Variants in MAPK4 observed in about 807,000 individuals in gnomAD.
The protein encoded by MAPK4 is mitogen-activated protein kinase 4, also known as Erk3-related.
MAPK4 carries 22 observed loss-of-function variants against 47.7 expected under a neutral mutation model. The ratio of observed to expected loss-of-function variants is 0.46; its 90% CI spans 0.33 to 0.66. The LOEUF is 0.66. Ranked by LOEUF, MAPK4 falls within the 30% of genes least tolerant of loss-of-function variation. MAPK4 has a pLI of 0.02. For missense variants in MAPK4, 736 were observed against 831.7 expected (o/e 0.88, Z 1.42); for synonymous variants, 390 against 365.7 (o/e 1.07, Z -0.76).
At chr18:50,722,889 AC>A (rs1433035371) in intron 4 of MAPK4, among the ~76,000 whole-genome samples, 1 of 151,928 alleles carries the variant, frequency 6.6e-6, no homozygotes, top group African/African-American at 2.4e-5. Context: ...CCCTTCCAGA[AC>A]CCCTGGGGCT....
At chr18:50,636,023 C>A (rs533767109) in intron 1 of MAPK4, among the ~76,000 whole-genome samples, 3 of 152,336 alleles carry the variant, frequency 2.0e-5, no homozygotes, top group South Asian at 4.1e-4. Context: ...TGCACTCCAG[C>A]CTCTCTTGCA....
At chr18:50,716,772 T>C (rs551004112) in intron 3 of MAPK4, among the ~76,000 whole-genome samples, 69 of 152,070 alleles carry the variant, frequency 4.5e-4, no homozygotes, top group African/African-American at 1.5e-3. Flanking sequence ...GTGAGTGCTC[T>C]CCCCACCTCC....
At chr18:50,563,761 A>C (rs1039647933) in intron 1 of MAPK4, among the ~76,000 whole-genome samples, 1 of 152,116 alleles carries the variant, frequency 6.6e-6, no homozygotes, top group Non-Finnish European at 1.5e-5. Flanking sequence ...TCCTGGCCTC[A>C]TCAGGGCCTG....
At chr18:50,624,668 A>T (rs778101011) in intron 1 of MAPK4, among the ~76,000 whole-genome samples, 2 of 152,212 alleles carry the variant, frequency 1.3e-5, no homozygotes, top group Non-Finnish European at 2.9e-5. Context: ...TTATATGATG[A>T]ATTTACAATT....
intron 1 of MAPK4, among the ~76,000 whole-genome samples, chr18:50,592,394 C>T (rs1393746348): frequency 1.3e-5 from 2 of 152,150 alleles, no homozygotes; most frequent in Non-Finnish European, 2.9e-5. Flanking sequence ...AAAATACTCA[C>T]TTTCTCTCTG....
chr18:50,589,085 A>C (rs4939989), intron 1 of MAPK4, among the ~76,000 whole-genome samples: 30,553 of 152,154 alleles, frequency 0.2, 3,153 homozygotes, highest in East Asian at 0.36. Flanking sequence ...AGCAAGTTCA[A>C]TCCAAGGTGA....
chr18:50,653,495 T>C (rs1462881994), intron 1 of MAPK4, among the ~76,000 whole-genome samples: 1 of 152,174 alleles, frequency 6.6e-6, no homozygotes, highest in African/African-American at 2.4e-5. Context: ...TCAAGGATGC[T>C]CAAGAGTGCT....
chr18:50,660,522 G>A (rs564528166), intron 1 of MAPK4, among the ~76,000 whole-genome samples: 141 of 152,300 alleles, frequency 9.3e-4, no homozygotes, highest in Middle Eastern at 3.4e-3. Context: ...TTTGTGCCCT[G>A]TAAGCTACTT....
intron 1 of MAPK4, among the ~76,000 whole-genome samples, chr18:50,592,971 T>G (rs1247509512): frequency 6.6e-6 from 1 of 152,224 alleles, no homozygotes; most frequent in Non-Finnish European, 1.5e-5. Flanking sequence ...GGCACTGGTG[T>G]GAGTCCTTTA....
chr18:50,688,834 A>G (rs1909034707), intron 2 of MAPK4, among the ~76,000 whole-genome samples: 1 of 151,576 alleles, frequency 6.6e-6, no homozygotes, highest in Non-Finnish European at 1.5e-5. Flanking sequence ...GATCACCACT[A>G]AAGAACTTAC....
intron 3 of MAPK4, among the ~76,000 whole-genome samples, chr18:50,720,114 C>A (rs772270554): frequency 1.3e-5 from 2 of 152,188 alleles, no homozygotes; most frequent in Admixed American, 6.5e-5. Flanking sequence ...ATGCTTCACA[C>A]CTTCTCCCAT....
intron 1 of MAPK4, among the ~76,000 whole-genome samples, chr18:50,617,826 A>G (rs1318333955): frequency 6.6e-6 from 1 of 152,190 alleles, no homozygotes; most frequent in African/African-American, 2.4e-5. Flanking sequence ...TATCTCTGTG[A>G]CTGTTCTTGC....
intron 1 of MAPK4, among the ~76,000 whole-genome samples, chr18:50,564,702 T>C (rs911766892): frequency 4.6e-5 from 7 of 152,250 alleles, no homozygotes; most frequent in Admixed American, 4.6e-4. Context: ...TAAGTTCATC[T>C]TTTGAAGCAT....
At chr18:50,587,065 C>G (rs1436170292) in intron 1 of MAPK4, among the ~76,000 whole-genome samples, 2 of 152,102 alleles carry the variant, frequency 1.3e-5, no homozygotes, top group Non-Finnish European at 2.9e-5. Flanking sequence ...TTGATTACTA[C>G]AAGAAGTCTG....
chr18:50,641,877 G>A (rs554731293), intron 1 of MAPK4, among the ~76,000 whole-genome samples: 2 of 152,274 alleles, frequency 1.3e-5, no homozygotes, highest in African/African-American at 4.8e-5. Flanking sequence ...TATCTTGTAA[G>A]TGTTCAATAA....
chr18:50,585,303 A>G (rs1200150302), intron 1 of MAPK4, among the ~76,000 whole-genome samples: 1 of 152,148 alleles, frequency 6.6e-6, no homozygotes, highest in South Asian at 2.1e-4. Flanking sequence ...CATTTCTATG[A>G]TCTTTGATAT....
chr18:50,716,305 G>A (rs936734554), intron 3 of MAPK4, among the ~76,000 whole-genome samples: 3 of 151,972 alleles, frequency 2.0e-5, no homozygotes, highest in Admixed American at 6.5e-5. Flanking sequence ...AGTCAGCGAC[G>A]ACTGTCACCT....
At chr18:50,569,638 C>G (rs2042232822) in intron 1 of MAPK4, among the ~76,000 whole-genome samples, 1 of 152,170 alleles carries the variant, frequency 6.6e-6, no homozygotes, top group Admixed American at 6.5e-5. Flanking sequence ...TCCTTGTTTT[C>G]CGCTTATCAC....
chr18:50,619,189 C>A (rs1215079043), intron 1 of MAPK4, among the ~76,000 whole-genome samples: 4 of 152,228 alleles, frequency 2.6e-5, no homozygotes. Context: ...ATATTATATA[C>A]TGACTAGTCT....
Sources: gnomAD v4.1 joint callset for allele counts (sites outside exome capture counted in the v4.1 genomes callset) on GRCh38, gnomAD v4.1.1 for gene constraint, MANE v1.5 for transcripts, NCBI Gene and HGNC (gene_info 2026-07-23, HGNC 2026-07-21) for gene names.